DGKB: variants seen among roughly 807,000 people sequenced by gnomAD.
DGKB encodes diacylglycerol kinase beta.
Under a neutral mutation model 114.3 loss-of-function variants are expected in DGKB, and 67 were observed. The ratio of observed to expected loss-of-function variants is 0.59; its 90% confidence interval spans 0.48 to 0.72. The LOEUF is 0.72. DGKB is among the 30% of genes least tolerant of loss of function. The probability of loss-of-function intolerance (pLI) is 0.00; values close to 1 mark genes in which losing one functional copy is unlikely to be tolerated. For missense variants in DGKB, 907 were observed against 975.2 expected (o/e 0.93, Z 0.93); for synonymous variants, 398 against 323.1 (o/e 1.23, Z -2.49).
At chr7:14,571,138 C>T (rs1211446338) in intron 20 of DGKB, among the ~76,000 whole-genome samples, 1 of 152,080 alleles carries the variant, frequency 6.6e-6, no homozygotes, top group Non-Finnish European at 1.5e-5. Flanking sequence ...TGGAAATTGA[C>T]CAAAGCATAT....
intron 1 of DGKB, among the ~76,000 whole-genome samples, chr7:14,865,161 C>G (rs1370334378): frequency 6.6e-6 from 1 of 152,128 alleles, no homozygotes; most frequent in South Asian, 2.1e-4. Flanking sequence ...GGAGGAGCAA[C>G]AGACTTGTGT....
intron 14 of DGKB, among the ~76,000 whole-genome samples, chr7:14,623,947 C>T (rs1808108044): frequency 6.6e-6 from 1 of 152,026 alleles, no homozygotes; most frequent in African/African-American, 2.4e-5. Context: ...ATAGTGATAC[C>T]TATTTCTCAG....
intron 21 of DGKB, among the ~76,000 whole-genome samples, chr7:14,358,164 C>T (rs540484418): frequency 3.5e-4 from 53 of 152,298 alleles, no homozygotes; most frequent in Non-Finnish European, 6.8e-4. Context: ...GGAACTTCTC[C>T]TGGATAATAT....
intron 4 of DGKB, among the ~76,000 whole-genome samples, chr7:14,750,793 CTTTTTTTTT>C (rs1016534410): frequency 1.1e-5 from 1 of 89,564 alleles, no homozygotes; most frequent in Non-Finnish European, 2.0e-5. Context: ...ATTTCTATTT[CTTTTTTTTT>C]TTTTTTTTTT....
chr7:14,149,205 G>T lies in DGKB; in HGVS notation c.2338C>A (p.Leu780Met), dbSNP rs1444567586. The change falls in exon 26 of 26, where the codon CTG becomes ATG. Residue 780 changes from leucine to methionine, a missense_variant. Physicochemically the swap from Leu to Met is conservative, Grantham distance 15 (BLOSUM62 2). Transcript: ENST00000402815. The stretch of plus-strand genomic sequence containing the variant: ...CCGGTTTTTGGAGGCGGGCCCATCA[G>T]CATTGGGGCTTGGTTCTTGTGTGTA... ...KITHKNQAPM[L>M]MGPPPKTGLF... The T allele has an allele frequency of 6.2e-7, 1 of 1,613,376 alleles. No homozygotes were observed. The highest frequency in any genetic ancestry group is 1.7e-5 in the Admixed American group (1 of 59,980).
At chr7:14,257,202 A>G (rs558624224) in intron 23 of DGKB, among the ~76,000 whole-genome samples, 1 of 152,290 alleles carries the variant, frequency 6.6e-6, no homozygotes, top group East Asian at 1.9e-4. Flanking sequence ...CTGTTACTAG[A>G]ATAGAATTTT....
At chr7:14,405,181 G>T (rs1471502845) in intron 21 of DGKB, among the ~76,000 whole-genome samples, 2 of 151,804 alleles carry the variant, frequency 1.3e-5, no homozygotes, top group Admixed American at 1.3e-4. Context: ...GGATAACTGA[G>T]ACATAATCTA....
intron 6 of DGKB, among the ~76,000 whole-genome samples, chr7:14,715,603 C>G (rs534218980): frequency 9.6e-4 from 146 of 152,132 alleles, no homozygotes; most frequent in African/African-American, 3.3e-3. Context: ...CCTGATAGAG[C>G]CTTGGGACGG....
intron 21 of DGKB, among the ~76,000 whole-genome samples, chr7:14,362,226 T>G (rs1815888271): frequency 6.6e-6 from 1 of 152,056 alleles, no homozygotes; most frequent in Admixed American, 6.6e-5. Context: ...TACCTATAAG[T>G]TTTAGTGTCC....
intron 1 of DGKB, among the ~76,000 whole-genome samples, chr7:14,858,625 G>A (rs1850519356): frequency 6.6e-6 from 1 of 152,080 alleles, no homozygotes; most frequent in Admixed American, 6.6e-5. Context: ...ATCATTAGGT[G>A]GCAGAGCACC....
rs1030920403 is a variant in DGKB, at chr7:14,911,765, G to A, written c.-188+62931C>T. On this transcript the variant is annotated intron_variant, in intron 1 of 4. Coordinates refer to the DGKB transcript ENST00000437998. ...TCCAAAACTGCAAAACTGCGACAAC[G>A]CTGTTTCATTTGACTTCAGATGGGA... Among the ~76,000 whole-genome samples the A allele has an allele frequency of 3.9e-5, 6 of 152,162 alleles. No individual in the cohort carries two copies. In the East Asian group the frequency reaches 5.8e-4, roughly 15 times the overall value.
At chr7:14,914,969 GA>G (rs1311016173) in intron 1 of DGKB, among the ~76,000 whole-genome samples, 1 of 152,004 alleles carries the variant, frequency 6.6e-6, no homozygotes, top group African/African-American at 2.4e-5. Context: ...AAGGTCTTCT[GA>G]AATAAAATAT....
intron 6 of DGKB, among the ~76,000 whole-genome samples, chr7:14,704,850 A>G (rs1585821448): frequency 6.6e-6 from 1 of 152,158 alleles, no homozygotes; most frequent in Non-Finnish European, 1.5e-5. Context: ...AAAAGTAGAT[A>G]AAACCACAAA....
intron 21 of DGKB, among the ~76,000 whole-genome samples, chr7:14,428,157 C>T (rs1025111570): frequency 6.6e-6 from 1 of 151,792 alleles, no homozygotes; most frequent in Non-Finnish European, 1.5e-5. Context: ...TACTTTGTTT[C>T]ATAACTTTTT....
chr7:14,290,553 G>T (rs982634865), intron 23 of DGKB, among the ~76,000 whole-genome samples: 2 of 152,084 alleles, frequency 1.3e-5, no homozygotes, highest in African/African-American at 4.8e-5. Context: ...GACTCAGGCT[G>T]CCTCGGTACC....
At chr7:14,321,896 G>C (rs981230586) in intron 23 of DGKB, among the ~76,000 whole-genome samples, 10 of 152,102 alleles carry the variant, frequency 6.6e-5, no homozygotes, top group African/African-American at 2.4e-4. Flanking sequence ...AAAATGGAAA[G>C]CTATACCATG....
chr7:14,244,375 G>A (rs915402155), intron 23 of DGKB, among the ~76,000 whole-genome samples: 24 of 152,078 alleles, frequency 1.6e-4, no homozygotes, highest in Admixed American at 1.4e-3. Context: ...AGAGGGTGCT[G>A]GCCGGGCGCG....
intron 9 of DGKB, among the ~76,000 whole-genome samples, chr7:14,685,611 G>T (rs1427342711): frequency 6.6e-6 from 1 of 152,104 alleles, no homozygotes. Flanking sequence ...GCTCAACAGC[G>T]TACCCCAAGC....
In DGKB at chr7:14,470,334, A is replaced by G. The variant is rs1781096736; in HGVS notation, c.1835+7827T>C. Reference sequence around the variant, plus strand: ...TGGCTAATAAAAGATAGTGACATATACACAAGGTAGAAGTGTGCCTTAAAA... The same window carrying G: ...TGGCTAATAAAAGATAGTGACATATGCACAAGGTAGAAGTGTGCCTTAAAA... On this transcript the variant is annotated intron_variant, in intron 21 of 25. Coordinates refer to ENST00000402815, the MANE Select transcript of DGKB (RefSeq NM_001350709.2). Among the ~76,000 whole-genome samples the G allele has an allele frequency of 1.3e-5, 2 of 151,920 alleles. 1 individual carries two copies. The highest frequency in any genetic ancestry group is 4.1e-4 in the South Asian group (2 of 4,832).
Sources: gnomAD v4.1 joint callset for allele counts (sites outside exome capture counted in the v4.1 genomes callset) on GRCh38, gnomAD v4.1.1 for gene constraint, MANE v1.5 for transcripts, NCBI Gene and HGNC (gene_info 2026-07-23, HGNC 2026-07-21) for gene names.